The following SYNPR variants were observed in gnomAD, a reference collection of about 807,000 sequenced individuals.
The protein encoded by SYNPR is synaptoporin.
SYNPR carries 23 observed loss-of-function variants against 32.9 expected under a neutral mutation model. That is an observed-to-expected ratio of 0.70 (90% CI 0.50 to 0.99). The LOEUF (loss-of-function observed/expected upper bound fraction) is 0.99. Among genes scored for constraint, SYNPR ranks in the 50% least tolerant of loss-of-function variants. The pLI is 0.00. For synonymous variants in SYNPR, 146 were observed against 135.9 expected (o/e 1.07, Z -0.52); for missense variants, 318 against 349.3 (o/e 0.91, Z 0.71).
intron 2 of SYNPR, among the ~76,000 whole-genome samples, chr3:63,363,786 C>T (rs1195590313): frequency 1.3e-5 from 2 of 152,106 alleles, no homozygotes; most frequent in Non-Finnish European, 2.9e-5. Context: ...GAACACAACC[C>T]TAGAATGTTC....
At chr3:63,410,522 G>A (rs1036892615) in intron 2 of SYNPR, among the ~76,000 whole-genome samples, 1 of 152,182 alleles carries the variant, frequency 6.6e-6, no homozygotes, top group African/African-American at 2.4e-5. Context: ...AGGAAGATGA[G>A]CAAGATACCA....
At chr3:63,249,802 T>C (rs1051138296) in intron 1 of SYNPR, among the ~76,000 whole-genome samples, 3 of 152,168 alleles carry the variant, frequency 2.0e-5, no homozygotes, top group East Asian at 1.9e-4. Flanking sequence ...ATGTCAGCTT[T>C]TTTATTTTTT....
chr3:63,485,909 G>A, intron 3 of SYNPR, among the ~76,000 whole-genome samples: 1 of 152,270 alleles, frequency 6.6e-6, no homozygotes, highest in Admixed American at 6.5e-5. Flanking sequence ...ACCTCATCAA[G>A]ATAAAATTAT....
chr3:63,601,051 T>A (rs777927757), intron 4 of SYNPR, among the ~76,000 whole-genome samples: 5 of 152,162 alleles, frequency 3.3e-5, no homozygotes, highest in Non-Finnish European at 7.3e-5. Flanking sequence ...GGTGGGCAGA[T>A]CACCTGAGGT....
intron 2 of SYNPR, among the ~76,000 whole-genome samples, chr3:63,395,287 A>G (rs1167403142): frequency 1.3e-5 from 2 of 152,218 alleles, no homozygotes; most frequent in Non-Finnish European, 2.9e-5. Context: ...ATTATTCCTT[A>G]TAAGAAATCT....
chr3:63,587,999 G>C (rs1703221345), intron 4 of SYNPR, among the ~76,000 whole-genome samples: 1 of 151,864 alleles, frequency 6.6e-6, no homozygotes, highest in South Asian at 2.1e-4. Flanking sequence ...GTTACTGGTG[G>C]GGTAAGTTCA....
At chr3:63,399,859 T>C (rs906731998) in intron 2 of SYNPR, among the ~76,000 whole-genome samples, 3 of 152,216 alleles carry the variant, frequency 2.0e-5, no homozygotes, top group African/African-American at 7.2e-5. Flanking sequence ...TTGAAGGACA[T>C]AGAAGTAAAA....
At chr3:63,423,060 A>G (rs1193102899) in intron 2 of SYNPR, among the ~76,000 whole-genome samples, 1 of 152,228 alleles carries the variant, frequency 6.6e-6, no homozygotes, top group Non-Finnish European at 1.5e-5. Flanking sequence ...GATAACATCT[A>G]TGGAATAAAA....
intron 1 of SYNPR, among the ~76,000 whole-genome samples, chr3:63,231,342 G>T (rs1390030216): frequency 6.6e-6 from 1 of 152,026 alleles, no homozygotes; most frequent in Non-Finnish European, 1.5e-5. Context: ...GGTTGGGAGG[G>T]GAATGAGGGC....
intron 2 of SYNPR, among the ~76,000 whole-genome samples, chr3:63,451,275 T>C (rs1700376392): frequency 6.6e-6 from 1 of 152,148 alleles, no homozygotes; most frequent in Non-Finnish European, 1.5e-5. Flanking sequence ...TTCCATGCCC[T>C]CGATGAGTGC....
At chr3:63,345,748 A>G (rs1180640914) in intron 2 of SYNPR, among the ~76,000 whole-genome samples, 2 of 152,192 alleles carry the variant, frequency 1.3e-5, no homozygotes, top group Non-Finnish European at 2.9e-5. Flanking sequence ...AAATTTATAT[A>G]TATTTAAAGA....
intron 4 of SYNPR, among the ~76,000 whole-genome samples, chr3:63,599,521 C>T (rs947854157): frequency 6.6e-6 from 1 of 152,176 alleles, no homozygotes; most frequent in Non-Finnish European, 1.5e-5. Flanking sequence ...AGCCTGGGAG[C>T]ATAAGCCATA....
intron 3 of SYNPR, among the ~76,000 whole-genome samples, chr3:63,515,699 C>T (rs570708748): frequency 6.6e-6 from 1 of 152,106 alleles, no homozygotes; most frequent in East Asian, 1.9e-4. Flanking sequence ...GTTTTTATTA[C>T]TAAACCAACA....
Position 63,413,997 on chromosome 3 carries a change from T to C in SYNPR, c.85-66835T>C, listed in dbSNP as rs1290266695. Among the ~76,000 whole-genome samples, 7 of 150,610 alleles carry C rather than the reference T, an allele frequency of 4.6e-5. No individual in the cohort carries two copies. The Admixed American group carries it at 4.7e-4, about 10-fold the overall frequency. ...CCAAGAGGAGAGGGAAAAAAATATA[T>C]AAATATATATACATATATATATATA... On this transcript the variant is annotated intron_variant, in intron 2 of 5. Coordinates refer to ENST00000478300, the MANE Select transcript of SYNPR (RefSeq NM_001130003.2).
intron 4 of SYNPR, among the ~76,000 whole-genome samples, chr3:63,577,066 G>A (rs1483190571): frequency 1.3e-5 from 2 of 152,140 alleles, no homozygotes; most frequent in Admixed American, 1.3e-4. Context: ...CTAAATGTAA[G>A]GTGTAGCGAT....
chr3:63,457,777 G>A (rs901339622), intron 2 of SYNPR, among the ~76,000 whole-genome samples: 12 of 152,062 alleles, frequency 7.9e-5, no homozygotes, highest in Non-Finnish European at 1.0e-4. Flanking sequence ...AATATTTAGC[G>A]AACTTTGGTC....
intron 2 of SYNPR, among the ~76,000 whole-genome samples, chr3:63,321,453 C>T (rs1173906811): frequency 6.6e-6 from 1 of 151,988 alleles, no homozygotes; most frequent in Non-Finnish European, 1.5e-5. Context: ...AATGTGATTA[C>T]TGTTATTATG....
intron 3 of SYNPR, among the ~76,000 whole-genome samples, chr3:63,485,531 G>A (rs1440269267): frequency 6.6e-6 from 1 of 152,168 alleles, no homozygotes; most frequent in Non-Finnish European, 1.5e-5. Flanking sequence ...TGGAGAGAAA[G>A]TGTGTCGAGC....
At chr3:63,291,828 TTCTCTCTC>T (rs140571848) in intron 2 of SYNPR, among the ~76,000 whole-genome samples, 2 of 149,640 alleles carry the variant, frequency 1.3e-5, no homozygotes, top group East Asian at 2.0e-4. Context: ...GTTTCTTTCT[TTCTCTCTC>T]TCTCTCTCTC....
Sources: allele counts gnomAD v4.1 joint callset (sites outside exome capture counted in the v4.1 genomes callset), GRCh38; gene constraint gnomAD v4.1.1; transcripts MANE v1.5; gene names NCBI Gene and HGNC (gene_info 2026-07-23, HGNC 2026-07-21).